NALCN: variants seen among roughly 807,000 people sequenced by gnomAD.
The protein encoded by NALCN is sodium leak channel NALCN.
NALCN carries 111 observed loss-of-function variants against 225.3 expected under a neutral mutation model. The observed-to-expected ratio is 0.49, with a 90% CI of 0.42 to 0.58. NALCN has a LOEUF of 0.58. NALCN is among the 20% of genes least tolerant of loss of function. The probability of loss-of-function intolerance (pLI) is 0.00; values close to 1 mark genes in which losing one functional copy is unlikely to be tolerated. For synonymous variants in NALCN, 764 were observed against 769.0 expected, an observed-to-expected ratio of 0.99 and a Z score of 0.11; for missense variants, 1,378 against 2,202.4, an observed-to-expected ratio of 0.63 and a Z score of 7.49.
chr13:101,389,291 C>T (rs2047077046), intron 3 of NALCN, among the ~76,000 whole-genome samples: 1 of 152,038 alleles, frequency 6.6e-6, no homozygotes, highest in Admixed American at 6.6e-5. Flanking sequence ...AGAAGGTGAA[C>T]CTTAAAATAA....
At chr13:101,413,251 T>G (rs2047839272) in intron 1 of NALCN, among the ~76,000 whole-genome samples, 1 of 152,130 alleles carries the variant, frequency 6.6e-6, no homozygotes, top group African/African-American at 2.4e-5. Context: ...TACTGGAAAT[T>G]TATCATAAAT....
intron 11 of NALCN, among the ~76,000 whole-genome samples, chr13:101,257,931 G>C (rs1391420779): frequency 6.6e-6 from 1 of 152,098 alleles, no homozygotes; most frequent in African/African-American, 2.4e-5. Context: ...AGAGTGCTAG[G>C]GAGATGCTTA....
chr13:101,062,208 C>A, intron 40 of NALCN, 90 bp from the exon 41 acceptor site: 1 of 1,457,718 alleles, frequency 6.9e-7, no homozygotes, highest in Non-Finnish European at 9.3e-7. Flanking sequence ...GGACATCACT[C>A]AGTCTAATAA....
intron 13 of NALCN, among the ~76,000 whole-genome samples, chr13:101,213,591 T>G (rs1293913929): frequency 1.3e-5 from 2 of 151,746 alleles, no homozygotes; most frequent in Admixed American, 6.6e-5. Flanking sequence ...GAACTTAAAT[T>G]TACAAGAAAA....
chr13:101,299,602 T>C (rs1309940247), intron 7 of NALCN, among the ~76,000 whole-genome samples: 1 of 152,142 alleles, frequency 6.6e-6, no homozygotes, highest in Non-Finnish European at 1.5e-5. Context: ...TAATACAAAC[T>C]TGCAAAACAG....
chr13:101,103,437 G>A, intron 25 of NALCN, 98 bp from the exon 26 acceptor site: 1 of 1,375,574 alleles, frequency 7.3e-7, no homozygotes, highest in Non-Finnish European at 9.8e-7. Flanking sequence ...ATTTAGCAGA[G>A]ATTCCACTCA....
At chr13:101,325,112 G>A (rs555063485) in intron 7 of NALCN, among the ~76,000 whole-genome samples, 4 of 152,220 alleles carry the variant, frequency 2.6e-5, no homozygotes, top group African/African-American at 4.8e-5. Context: ...TCCGTACAGG[G>A]TTGGTCAGTT....
At chr13:101,108,056 A>C (rs1162329558) in intron 20 of NALCN, among the ~76,000 whole-genome samples, 1 of 147,864 alleles carries the variant, frequency 6.8e-6, no homozygotes, top group Non-Finnish European at 1.5e-5. Context: ...ATTTATACTA[A>C]GTATATATTT....
At chr13:101,398,239 C>A (rs1010664125) in intron 2 of NALCN, among the ~76,000 whole-genome samples, 1 of 152,048 alleles carries the variant, frequency 6.6e-6, no homozygotes, top group Non-Finnish European at 1.5e-5. Flanking sequence ...GGGAAAGTAA[C>A]CTGGAGGGCA....
chr13:101,167,853 A>AC (rs1471974292), intron 15 of NALCN, among the ~76,000 whole-genome samples: 1 of 140,508 alleles, frequency 7.1e-6, no homozygotes, highest in Non-Finnish European at 1.6e-5. Context: ...AAACAAAAAC[A>AC]AAAACTGTTA....
chr13:101,073,458 A>C, intron 37 of NALCN, 126 bp downstream of exon 37: 1 of 696,774 alleles, frequency 1.4e-6, no homozygotes, highest in Non-Finnish European at 2.3e-6. Flanking sequence ...TATGGACTGA[A>C]GTGTCAGGAT....
At chr13:101,301,752 A>C (rs568181636) in intron 7 of NALCN, among the ~76,000 whole-genome samples, 12 of 151,254 alleles carry the variant, frequency 7.9e-5, no homozygotes, top group Non-Finnish European at 1.0e-4. Context: ...AAAAAAAAAA[A>C]CAAAACCCTA....
intron 7 of NALCN, among the ~76,000 whole-genome samples, chr13:101,314,029 G>A (rs2044457433): frequency 6.6e-6 from 1 of 151,780 alleles, no homozygotes; most frequent in African/African-American, 2.4e-5. Flanking sequence ...GATGAAGCTG[G>A]AAACCATCAT....
intron 30 of NALCN, among the ~76,000 whole-genome samples, chr13:101,088,603 A>G (rs1455566910): frequency 6.6e-6 from 1 of 152,180 alleles, no homozygotes; most frequent in African/African-American, 2.4e-5. Flanking sequence ...TTGATTGAAT[A>G]TGTAAAATCT....
At position 101,361,884 on chromosome 13, in the gene NALCN, A is replaced by G. The variant is rs956855089; in HGVS notation, c.644+14816T>C. 8.5e-5 allele frequency among the ~76,000 whole-genome samples: 13 copies of G among 152,222 alleles called. No homozygotes were observed. In the East Asian group the frequency reaches 2.5e-3, roughly 29 times the overall value. ...TCTTTTAGACCCCCATTCAAACTGCATGGTTTTCTTTTGGTATACTGAAGA... is the reference window on the plus strand; with the variant it reads ...TCTTTTAGACCCCCATTCAAACTGCGTGGTTTTCTTTTGGTATACTGAAGA... On this transcript the variant is annotated intron_variant, in intron 6 of 43. Transcript: ENST00000251127.
chr13:101,243,630 C>T (rs114152978), intron 11 of NALCN, among the ~76,000 whole-genome samples: 3,053 of 105,224 alleles, frequency 0.029, 997 homozygotes, highest in South Asian at 0.057. Flanking sequence ...CCATAGTTTA[C>T]GGAGGCGAAA....
chr13:101,233,185 A>T (rs978449329), intron 12 of NALCN, among the ~76,000 whole-genome samples: 8 of 152,186 alleles, frequency 5.3e-5, no homozygotes, highest in African/African-American at 1.9e-4. Context: ...ACTCTCAAAG[A>T]TAAGCACTTC....
At chr13:101,111,470 C>T (rs1030828582) in intron 18 of NALCN, among the ~76,000 whole-genome samples, 2 of 152,184 alleles carry the variant, frequency 1.3e-5, no homozygotes, top group Non-Finnish European at 1.5e-5. Context: ...CCTCTTGCCC[C>T]TCCTCCTTCT....
At chr13:101,275,994 G>A (rs958887500) in intron 10 of NALCN, among the ~76,000 whole-genome samples, 1 of 144,530 alleles carries the variant, frequency 6.9e-6, no homozygotes, top group Non-Finnish European at 1.5e-5. Context: ...AACCTGGGAG[G>A]TAGAGGTTGC....
Sources: gnomAD v4.1 joint callset for allele counts (sites outside exome capture counted in the v4.1 genomes callset) on GRCh38, gnomAD v4.1.1 for gene constraint, MANE v1.5 for transcripts, NCBI Gene and HGNC (gene_info 2026-07-23, HGNC 2026-07-21) for gene names.